The following HYDIN variants were observed in gnomAD, a reference collection of about 807,000 sequenced individuals.
HYDIN encodes axonemal central pair apparatus protein HYDIN.
A neutral mutation model predicts 403.9 loss-of-function variants in HYDIN; 132 were observed. The observed-to-expected ratio is 0.33, with a 90% CI of 0.28 to 0.38. The LOEUF is 0.38. Ranked by LOEUF, HYDIN falls within the 10% of genes least tolerant of loss-of-function variation. The pLI is 1.00. For synonymous variants in HYDIN, 1,202 were observed against 1,891.7 expected (o/e 0.64, Z 9.46); for missense variants, 2,827 against 5,009.5 (o/e 0.56, Z 13.15).
intron 23 of HYDIN, among the ~76,000 whole-genome samples, chr16:71,003,432 G>A (rs972913078): frequency 6.0e-5 from 9 of 149,922 alleles, no homozygotes; most frequent in African/African-American, 2.2e-4. Flanking sequence ...GTGTTTTTAT[G>A]TTACATTTAT....
intron 1 of HYDIN, among the ~76,000 whole-genome samples, chr16:71,211,816 G>A (rs958363285): frequency 3.9e-5 from 6 of 151,978 alleles, no homozygotes; most frequent in African/African-American, 1.2e-4. Context: ...ACTAAAGATA[G>A]CAGAAATACC....
At chr16:71,178,074 A>G (rs2086743695) in intron 4 of HYDIN, among the ~76,000 whole-genome samples, 1 of 152,184 alleles carries the variant, frequency 6.6e-6, no homozygotes, top group African/African-American at 2.4e-5. Context: ...AGTGAAAAGA[A>G]GGCTTTTAAA....
intron 5 of HYDIN, among the ~76,000 whole-genome samples, chr16:71,169,365 A>G (rs1432793246): frequency 2.6e-5 from 4 of 152,142 alleles, no homozygotes; most frequent in African/African-American, 9.7e-5. Context: ...CCTGGGAGGT[A>G]GAGGCTGCAG....
intron 39 of HYDIN, among the ~76,000 whole-genome samples, chr16:70,956,200 T>A (rs1268117633): frequency 1.3e-5 from 2 of 151,976 alleles, no homozygotes; most frequent in African/African-American, 2.4e-5. Flanking sequence ...AGGAAAACTT[T>A]TTATTTTAAA....
chr16:70,888,360 A>G, intron 58 of HYDIN, among the ~76,000 whole-genome samples: 1 of 152,080 alleles, frequency 6.6e-6, no homozygotes, highest in Non-Finnish European at 1.5e-5. Context: ...TTCTTTTGGC[A>G]CTGCCCTGGC....
chr16:71,208,624 T>C lies in HYDIN; in HGVS notation c.-23-21706A>G, dbSNP rs919466097. Among the ~76,000 whole-genome samples, 12 of 152,062 alleles carry C rather than the reference T, an allele frequency of 7.9e-5. No homozygotes were observed. In the East Asian group the frequency reaches 2.3e-3, roughly 29 times the overall value. On this transcript the variant is annotated intron_variant, in intron 1 of 85. Transcript: ENST00000393567. ...TATCAACAAATCCAGAGGTTTATTT[T>C]TTGAAACAATTAATAAGATAGATAG...
chr16:70,982,529 G>C (rs1470556837), intron 28 of HYDIN, among the ~76,000 whole-genome samples: 2 of 126,142 alleles, frequency 1.6e-5, no homozygotes, highest in Non-Finnish European at 3.1e-5. Context: ...CTTAACAAAG[G>C]TGCAAAAATT....
At chr16:70,854,147 T>C (rs2038861048) in intron 73 of HYDIN, among the ~76,000 whole-genome samples, 1 of 152,124 alleles carries the variant, frequency 6.6e-6, no homozygotes, top group African/African-American at 2.4e-5. Flanking sequence ...CCCAAAGTGC[T>C]GGGATTACAG....
intron 1 of HYDIN, among the ~76,000 whole-genome samples, chr16:71,190,447 A>C (rs1485429494): frequency 6.6e-6 from 1 of 152,230 alleles, no homozygotes; most frequent in African/African-American, 2.4e-5. Context: ...TAAAGCACCA[A>C]ACTAATTATT....
At position 70,809,907 on chromosome 16, in the gene HYDIN, T is replaced by G. The variant is rs986403779; in HGVS notation, c.14759A>C (p.Tyr4920Ser). The G allele has an allele frequency of 5.6e-6, 9 of 1,614,048 alleles. No individual in the cohort carries two copies. The Admixed American group carries it at 1.5e-4, about 27-fold the overall frequency. Residue 4920 changes from tyrosine to serine, a missense_variant, in exon 85 of 86, where the codon TAT becomes TCT. Physicochemically the swap from Tyr to Ser is moderately radical, Grantham distance 144. Coordinates refer to ENST00000393567, the MANE Select transcript of HYDIN (RefSeq NM_001270974.2). Reference sequence around the variant, plus strand: ...CGGAAGTGCTGGCGTGGCTTTCAGATAGAGCTCATATTGGTAGTAACCCAA... The same window carrying G: ...CGGAAGTGCTGGCGTGGCTTTCAGAGAGAGCTCATATTGGTAGTAACCCAA... ...TDLGYYQYEL[Y>S]LKATPALPEK...
At chr16:70,834,970 ATGTG>A (rs1170464666) in intron 78 of HYDIN, among the ~76,000 whole-genome samples, 2 of 129,910 alleles carry the variant, frequency 1.5e-5, no homozygotes, top group South Asian at 2.1e-4. Flanking sequence ...ACACACATAT[ATGTG>A]TGTATATATA....
At chr16:71,093,670 C>G (rs2083183739) in intron 11 of HYDIN, 147 bp downstream of exon 11, 1 of 520,938 alleles carries the variant, frequency 1.9e-6, no homozygotes. Flanking sequence ...GAGGAAGAAT[C>G]TGAGCACTCC....
At chr16:71,033,256 A>C (rs2080976745) in intron 18 of HYDIN, among the ~76,000 whole-genome samples, 1 of 152,206 alleles carries the variant, frequency 6.6e-6, no homozygotes, top group East Asian at 1.9e-4. Flanking sequence ...GGATGTTGAA[A>C]CCCTTGGAAT....
chr16:70,850,442 C>T lies in HYDIN; in HGVS notation c.12651+6G>A, dbSNP rs1446604316. 2 of 1,404,594 alleles carry T rather than the reference C, an allele frequency of 1.4e-6. No individual in the cohort carries two copies. The highest frequency in any genetic ancestry group is 1.2e-5 in the South Asian group (1 of 80,716). 87.0% of individuals were successfully genotyped at this position (1,404,594 alleles called of 1,614,324 possible). A position where few individuals can be genotyped will look rare whatever the true frequency, so the allele number is the denominator to read the frequency against. On this transcript the variant is annotated splice_donor_region_variant and intron_variant, in intron 74 of 85. Coordinates refer to ENST00000393567, the MANE Select transcript of HYDIN (RefSeq NM_001270974.2). The stretch of plus-strand genomic sequence containing the variant: ...GATAGATAGCAAGGTCTTCTTACAC[C>T]TTTACCTCATAGAAGTTGATGATGT...
chr16:71,228,143 C>T (rs1355887628), intron 1 of HYDIN, among the ~76,000 whole-genome samples: 3 of 151,962 alleles, frequency 2.0e-5, no homozygotes, highest in Non-Finnish European at 4.4e-5. Flanking sequence ...TTCCTTACAC[C>T]TTATACAAAA....
intron 23 of HYDIN, among the ~76,000 whole-genome samples, chr16:70,997,042 A>G (rs2079554163): frequency 6.7e-6 from 1 of 149,534 alleles, no homozygotes; most frequent in South Asian, 2.2e-4. Flanking sequence ...GTGATGGGAG[A>G]CAGTGACAGA....
chr16:71,150,456 G>A (rs2085495411), intron 7 of HYDIN, among the ~76,000 whole-genome samples: 1 of 151,938 alleles, frequency 6.6e-6, no homozygotes, highest in Admixed American at 6.6e-5. Flanking sequence ...GAATAATAGA[G>A]TATTCCATAT....
At chr16:71,220,215 C>T (rs1157286045) in intron 1 of HYDIN, among the ~76,000 whole-genome samples, 1 of 152,138 alleles carries the variant, frequency 6.6e-6, no homozygotes, top group African/African-American at 2.4e-5. Context: ...ACCTGATGAG[C>T]GTTTTCATGT....
At chr16:71,043,140 G>C (rs1306962313) in intron 18 of HYDIN, among the ~76,000 whole-genome samples, 1 of 151,456 alleles carries the variant, frequency 6.6e-6, no homozygotes, top group African/African-American at 2.4e-5. Flanking sequence ...TAGTGTTTCT[G>C]TCAAGAAGTC....
Sources: allele counts gnomAD v4.1 joint callset (sites outside exome capture counted in the v4.1 genomes callset), GRCh38; gene constraint gnomAD v4.1.1; transcripts MANE v1.5; gene names NCBI Gene and HGNC (gene_info 2026-07-23, HGNC 2026-07-21).